The following KLK2 variants were observed in gnomAD, a reference collection of about 807,000 sequenced individuals.
KLK2 encodes the protein kallikrein-2.
In KLK2, 17 loss-of-function variants were observed where a neutral mutation model predicts 23.0. The observed-to-expected ratio is 0.74, with a 90% confidence interval of 0.51 to 1.11. The LOEUF is 1.11. KLK2 is among the 50% of genes least tolerant of loss of function. The pLI, the probability that KLK2 is intolerant of heterozygous loss-of-function variation, is 0.00. For synonymous variants in KLK2, 140 were observed against 124.7 expected, an observed-to-expected ratio of 1.12 and a Z score of -0.82; for missense variants, 330 against 325.9, an observed-to-expected ratio of 1.01 and a Z score of -0.10.
chr19:50,878,507 A>C lies in KLK2; in HGVS notation c.734A>C (p.Lys245Thr). The C allele has an allele frequency of 1.2e-6, 2 of 1,614,100 alleles. No homozygotes were observed. Among genetic ancestry groups the C allele is most frequent in the Non-Finnish European group, 1.7e-6 (2 of 1,179,964 alleles). The change falls in exon 5 of 5, where the codon AAG becomes ACG. Residue 245 changes from lysine to threonine, a missense_variant. Physicochemically the swap from Lys to Thr is moderately conservative, Grantham distance 78. Transcript: ENST00000325321. ...CCTGAAAAGCCTGCTGTGTACACCA[A>C]GGTGGTGCATTACCGGAAGTGGATC... ...ALPEKPAVYT[K>T]VVHYRKWIKD...
In KLK2 at chr19:50,879,011, C is replaced by T. The variant is rs960929683; in HGVS notation, c.*452C>T. 2.1e-5 allele frequency: 5 copies of T among 235,796 alleles called. No homozygotes were observed. The highest frequency in any genetic ancestry group is 6.0e-5 in the East Asian group (1 of 16,644). The allele number at this position is 235,796 out of a possible 1,614,324, so 14.6% of individuals were successfully genotyped here. ...TGAGGCACACACACAGCAAGGATGA[C>T]GCTGTAAACATAGCCCACGCTGTCC... On this transcript the variant is annotated 3_prime_UTR_variant, in exon 5 of 5. Transcript: ENST00000325321.
chr19:50,873,688 C>A, intron 1 of KLK2, 169 bp downstream of exon 1: 1 of 570,624 alleles, frequency 1.8e-6, no homozygotes, highest in South Asian at 2.1e-5. Context: ...ACTAGGTCCC[C>A]GCTCCCTCCC....
rs890910703 is a variant in KLK2, at chr19:50,880,410, G to A, written c.*1851G>A. On this transcript the variant is annotated 3_prime_UTR_variant, in exon 5 of 5. Transcript: ENST00000325321. ...GGCAGGTAGTGAAACTCATTAGGCT[G>A]AGAACCTTGTGGAATGCAGCTGACC... is the stretch of plus-strand genomic sequence containing the variant. 1.6e-4 allele frequency: 35 copies of A among 221,334 alleles called. No homozygotes were observed. The highest frequency in any genetic ancestry group is 7.6e-4 in the African/African-American group (34 of 44,754). 13.7% of individuals were successfully genotyped at this position (221,334 alleles called of 1,614,324 possible).
chr19:50,874,532 G>A (rs2090262690), intron 1 of KLK2, 189 bp from the exon 2 acceptor site: 1 of 536,846 alleles, frequency 1.9e-6, no homozygotes, highest in South Asian at 2.6e-5. Flanking sequence ...TCCCGACCTG[G>A]TCCAGCCACC....
chr19:50,878,384 C>T lies in KLK2; in HGVS notation c.631-20C>T. 6.3e-7 allele frequency: 1 copy of T among 1,599,416 alleles called. No homozygotes were observed. The highest frequency in any genetic ancestry group is 8.6e-7 in the Non-Finnish European group (1 of 1,169,466). ...TTGGGGCCAATCTTTCTCACTGTGTCTCTCCTCCTTTACCCTTAGGGTGAT... is the reference window on the plus strand; with the variant it reads ...TTGGGGCCAATCTTTCTCACTGTGTTTCTCCTCCTTTACCCTTAGGGTGAT... On this transcript the variant is annotated intron_variant, in intron 4 of 4. Coordinates refer to ENST00000325321, the MANE Select transcript of KLK2 (RefSeq NM_005551.5).
Position 50,874,553 on chromosome 19 carries a change from C to T in KLK2, c.47-168C>T, listed in dbSNP as rs116562057. 1,397 of 561,934 alleles carry T rather than the reference C, an allele frequency of 2.5e-3. 15 individuals carry two copies. Among genetic ancestry groups the T allele is most frequent in the African/African-American group, 0.024 (1,234 of 52,388 alleles). 34.8% of individuals were successfully genotyped at this position (561,934 alleles called of 1,614,324 possible). ...CCTGGTCCAGCCACCAACCCGCTAA[C>T]GCAGGGAATAGCTACAGAATTGCCA... On this transcript the variant is annotated intron_variant, in intron 1 of 4. Transcript: ENST00000325321.
At position 50,875,019 on chromosome 19, in the gene KLK2, G is replaced by A. The variant is rs112103380; in HGVS notation, c.206+139G>A. On this transcript the variant is annotated intron_variant, in intron 2 of 4. Coordinates refer to ENST00000325321, the MANE Select transcript of KLK2 (RefSeq NM_005551.5). ...GAAGGTCCTGGCCCAGGTCGCACCC[G>A]GAGGCAGAGCTGGGGCTGGACCACT... 57 of 1,397,870 alleles carry A rather than the reference G, an allele frequency of 4.1e-5. No individual in the cohort carries two copies. In the South Asian group the frequency reaches 4.4e-4, roughly 11 times the overall value. 86.6% of individuals were successfully genotyped at this position (1,397,870 alleles called of 1,614,324 possible).
rs2123488032 is a variant in KLK2 at position 50,879,880 on chromosome 19, A to G, written c.*1321A>G. The G allele has an allele frequency of 1.3e-5, 3 of 229,888 alleles. No homozygotes were observed. Among genetic ancestry groups the G allele is most frequent in the Middle Eastern group, 2.6e-3 (2 of 770 alleles). 14.2% of individuals were successfully genotyped at this position (229,888 alleles called of 1,614,324 possible). Reference sequence around the variant, plus strand: ...GGTGAGCCCTTTACTTGGGATGTACAGGCTTTGAGCAGTGCAGGGCTGCTG... The same window carrying G: ...GGTGAGCCCTTTACTTGGGATGTACGGGCTTTGAGCAGTGCAGGGCTGCTG... On this transcript the variant is annotated 3_prime_UTR_variant, in exon 5 of 5. Coordinates refer to ENST00000325321, the MANE Select transcript of KLK2 (RefSeq NM_005551.5).
rs1043584673 is a variant in KLK2 at position 50,874,881 on chromosome 19, G to T, written c.206+1G>T. 4 of 1,612,748 alleles carry T rather than the reference G, an allele frequency of 2.5e-6. No homozygotes were observed. The highest frequency in any genetic ancestry group is 3.4e-6 in the Non-Finnish European group (4 of 1,179,356). ...TCACAGCTGCCCATTGCCTAAAGAAGTAAGTAGGACCCTGGGATCTGGGGA... is the reference window on the plus strand; with the variant it reads ...TCACAGCTGCCCATTGCCTAAAGAATTAAGTAGGACCCTGGGATCTGGGGA... On this transcript the variant is annotated splice_donor_variant, in intron 2 of 4. Transcript: ENST00000325321. LOFTEE classifies it high-confidence loss of function.
At position 50,879,295 on chromosome 19, in the gene KLK2, A is replaced by G. The variant is rs1422997233; in HGVS notation, c.*736A>G. ...AAATCAGCAAACAAAACAGATGTAT[A>G]GATTAGAGTGTGGAGAAAACAGAGG... On this transcript the variant is annotated 3_prime_UTR_variant, in exon 5 of 5. Coordinates refer to ENST00000325321, the MANE Select transcript of KLK2 (RefSeq NM_005551.5). The G allele has an allele frequency of 8.6e-6, 2 of 232,512 alleles. No homozygotes were observed. Among genetic ancestry groups the G allele is most frequent in the Non-Finnish European group, 1.7e-5 (2 of 117,672 alleles). The allele number at this position is 232,512 out of a possible 1,614,324, so 14.4% of individuals were successfully genotyped here.
chr19:50,877,085 T>A (rs753843850), intron 4 of KLK2, 77 bp downstream of exon 4: 1 of 1,594,168 alleles, frequency 6.3e-7, no homozygotes. Flanking sequence ...ATCTGAAAGC[T>A]AACCAGACAT....
In KLK2 at chr19:50,880,228, C is replaced by T. The variant is rs569678370; in HGVS notation, c.*1669C>T. ...AGATTCACAGCCCAGAGCAGGAGGA[C>T]GCTGCACACCATGCAGGATGACATG... On this transcript the variant is annotated 3_prime_UTR_variant, in exon 5 of 5. Transcript: ENST00000325321. 19 of 230,630 alleles carry T rather than the reference C, an allele frequency of 8.2e-5. No homozygotes were observed. In the East Asian group the frequency reaches 9.9e-4, roughly 12 times the overall value. 14.3% of individuals were successfully genotyped at this position (230,630 alleles called of 1,614,324 possible).
At chr19:50,873,877 T>G (rs1175768414) in intron 1 of KLK2, 1 of 287,958 alleles carries the variant, frequency 3.5e-6, no homozygotes, top group Non-Finnish European at 6.5e-6. Context: ...CCTGAGCCCC[T>G]CAGTCCTACC....
At chr19:50,877,175 C>T (rs768647869) in intron 4 of KLK2, 167 bp downstream of exon 4, 3 of 781,170 alleles carry the variant, frequency 3.8e-6, no homozygotes, top group Non-Finnish European at 6.3e-6. Context: ...TTCCCTGACT[C>T]CCTCAACACA....
At chr19:50,877,500 C>A in intron 4 of KLK2, 1 of 172,430 alleles carries the variant, frequency 5.8e-6, no homozygotes. Flanking sequence ...AGGGGAGAGC[C>A]CTGCGGCACC....
chr19:50,879,482 GAC>G lies in KLK2; in HGVS notation c.*925_*926del, dbSNP rs2090321354. 1 of 232,046 alleles carries G rather than the reference GAC, an allele frequency of 4.3e-6. No individual in the cohort carries two copies. Among genetic ancestry groups the G allele is most frequent in the South Asian group, 1.8e-4 (1 of 5,520 alleles). 14.4% of individuals were successfully genotyped at this position (232,046 alleles called of 1,614,324 possible). ...TTCCCTTTGGATGGGGGGCATATCT[GAC>G]AGTTATTCTCTCCAAGTGGAGACTT... On this transcript the variant is annotated 3_prime_UTR_variant, in exon 5 of 5. Transcript: ENST00000325321.
At chr19:50,877,261 G>GCA in intron 4 of KLK2, 1 of 565,458 alleles carries the variant, frequency 1.8e-6, no homozygotes, top group East Asian at 3.0e-5. Context: ...TACGTGACCA[G>GCA]CATTGCCGTA....
At chr19:50,875,102 C>T (rs2090269684) in intron 2 of KLK2, 11 of 811,926 alleles carry the variant, frequency 1.4e-5, no homozygotes, top group Non-Finnish European at 1.6e-5. Flanking sequence ...CTCTTGGTAT[C>T]TGGCTCTGGT....
chr19:50,875,043 C>G (rs1276791129), intron 2 of KLK2, 163 bp downstream of exon 2: 13 of 1,337,826 alleles, frequency 9.7e-6, no homozygotes, highest in Non-Finnish European at 1.2e-5. Context: ...GGCTGGACCA[C>G]TCTCCCCATG....
Sources: allele counts gnomAD v4.1 joint callset, GRCh38; gene constraint gnomAD v4.1.1; transcripts MANE v1.5; gene names NCBI Gene and HGNC (gene_info 2026-07-23, HGNC 2026-07-21).